The following RBMXL2 variants were observed in gnomAD, a reference collection of about 807,000 sequenced individuals.
The protein encoded by RBMXL2 is RNA-binding motif protein, X-linked-like-2.
In RBMXL2, 2 loss-of-function variants were observed where a neutral mutation model predicts 1.0. The observed-to-expected ratio is 2.05, with a 90% CI of 0.84 to 6.44. The LOEUF (loss-of-function observed/expected upper bound fraction) is 6.44. Ranked by LOEUF, RBMXL2 falls within the 30% of genes most tolerant of loss-of-function variation. RBMXL2 has a pLI of 0.05. For missense variants in RBMXL2, 658 were observed against 608.5 expected (o/e 1.08, Z -0.85); for synonymous variants, 313 against 267.9 (o/e 1.17, Z -1.64).
Position 7,089,968 on chromosome 11 carries a change from T to A in RBMXL2, c.848T>A (p.Phe283Tyr). ...AGCAGAGGCTCCCATCGAGAGCCCT[T>A]TGAGAGCTACGGAGAGCTGCGCGGC... ...HLSRGSHREPFESYGELRGAA... is the reference protein window; with the variant it reads ...HLSRGSHREPYESYGELRGAA... The change falls in exon 1 of 1, where the codon TTT (phenylalanine) becomes TAT (tyrosine). Residue 283 changes from phenylalanine (F) to tyrosine (Y), a missense_variant. Phe to Tyr is a conservative substitution (Grantham distance 22). Transcript: ENST00000306904. 1.2e-6 allele frequency: 2 copies of A among 1,612,494 alleles called. No homozygotes were observed. The highest frequency in any genetic ancestry group is 1.7e-6 in the Non-Finnish European group (2 of 1,179,898).
At position 7,089,867 on chromosome 11, in the gene RBMXL2, G is replaced by A; in HGVS notation, c.747G>A (p.Arg249=). The change falls in exon 1 of 1, where the codon CGG becomes CGA. Residue 249 remains arginine, a synonymous_variant. Transcript: ENST00000306904. ...GCGATTACGGCCACTCCAGTGTCCG[G>A]GACGACTGTCCCTTGAGAGGCTACA... is the stretch of plus-strand genomic sequence containing the variant. ...THRDYGHSSV[R]DDCPLRGYSD... The A allele has an allele frequency of 1.9e-6, 3 of 1,612,722 alleles. No homozygotes were observed. Among genetic ancestry groups the A allele is most frequent in the Non-Finnish European group, 2.5e-6 (3 of 1,179,954 alleles).
chr11:7,089,014 C>G lies in RBMXL2; in HGVS notation c.-107C>G. On this transcript the variant is annotated 5_prime_UTR_variant, in exon 1 of 1. Transcript: ENST00000306904. ...CGGTTCCGTGGACTCGGCGACTAGG[C>G]GCCGCCTGACCAGTAGGAGCCGCCC... 1 of 1,346,318 alleles carries G rather than the reference C, an allele frequency of 7.4e-7. No homozygotes were observed. Among genetic ancestry groups the G allele is most frequent in the Non-Finnish European group, 1.0e-6 (1 of 964,376 alleles). The allele number at this position is 1,346,318 out of a possible 1,614,324, so 83.4% of individuals were successfully genotyped here.
In RBMXL2 at chr11:7,090,205, G is replaced by A. The variant is rs759030425; in HGVS notation, c.1085G>A (p.Arg362His). 1.2e-6 allele frequency: 2 copies of A among 1,612,756 alleles called. No homozygotes were observed. Among genetic ancestry groups the A allele is most frequent in the Admixed American group, 1.7e-5 (1 of 59,890 alleles). The change falls in exon 1 of 1, where the codon CGT becomes CAT. Residue 362 changes from arginine (R) to histidine (H), a missense_variant. By Grantham distance (29) the Arg-to-His change is conservative. Transcript: ENST00000306904. ...ATGGAAAGGGGCTGCCCTCCCCAGC[G>A]TGATTCTTACAGCCGGTCAGGCTGC... is the stretch of plus-strand genomic sequence containing the variant. ...LSMERGCPPQRDSYSRSGCRV... is the reference protein window; with the variant it reads ...LSMERGCPPQHDSYSRSGCRV...
At position 7,089,891 on chromosome 11, in the gene RBMXL2, C is replaced by T. The variant is rs560600892; in HGVS notation, c.771C>T (p.Tyr257=). 1.9e-6 allele frequency: 3 copies of T among 1,612,842 alleles called. No homozygotes were observed. The highest frequency in any genetic ancestry group is 2.5e-6 in the Non-Finnish European group (3 of 1,179,992). ...GGGACGACTGTCCCTTGAGAGGCTA[C>T]AGCGACCGAGACGGCTACGGAGGTC... is the stretch of plus-strand genomic sequence containing the variant. ...SVRDDCPLRG[Y]SDRDGYGGRD... is the part of the protein sequence containing the mutation. Residue 257 remains tyrosine (Y), a synonymous_variant, in exon 1 of 1, where the codon TAC becomes TAT. Coordinates refer to ENST00000306904, the MANE Select transcript of RBMXL2 (RefSeq NM_014469.5).
chr11:7,090,479 A>C lies in RBMXL2; in HGVS notation c.*180A>C. 1 of 839,296 alleles carries C rather than the reference A, an allele frequency of 1.2e-6. No individual in the cohort carries two copies. The highest frequency in any genetic ancestry group is 2.7e-5 in the East Asian group (1 of 37,336). 52.0% of individuals were successfully genotyped at this position (839,296 alleles called of 1,614,324 possible). ...GGGAGAAAAAACTTAAAATTCGTTT[A>C]GTTTAGTTTTGGAATTGTTAACGTT... On this transcript the variant is annotated 3_prime_UTR_variant, in exon 1 of 1. Transcript: ENST00000306904.
Position 7,090,437 on chromosome 11 carries a change from T to TC in RBMXL2, c.*140dup. ...TTAAGAATTTCCTGTTAAGATCGTC[T>TC]CCATTTTTATGCTTTTGGGAGAAAA... On this transcript the variant is annotated 3_prime_UTR_variant, in exon 1 of 1. Coordinates refer to ENST00000306904, the MANE Select transcript of RBMXL2 (RefSeq NM_014469.5). 1 of 1,143,560 alleles carries TC rather than the reference T, an allele frequency of 8.7e-7. No individual in the cohort carries two copies. The allele number at this position is 1,143,560 out of a possible 1,614,324, so 70.8% of individuals were successfully genotyped here. A position where few individuals can be genotyped will look rare whatever the true frequency, so the allele number is the denominator to read the frequency against.
In RBMXL2 at chr11:7,089,477, G is replaced by T; in HGVS notation, c.357G>T (p.Arg119=). 1 of 1,265,390 alleles carries T rather than the reference G, an allele frequency of 7.9e-7. No homozygotes were observed. Among genetic ancestry groups the T allele is most frequent in the Non-Finnish European group, 1.0e-6 (1 of 1,003,306 alleles). The allele number at this position is 1,265,390 out of a possible 1,614,324, so 78.4% of individuals were successfully genotyped here. ...CCCGCGGGGGTGGCGGCGGCCCGCG[G>T]CGTTCCCCATCCCGGGGCGGGCCCG... ...RGTRGGGGGP[R]RSPSRGGPDD... is the part of the protein sequence containing the mutation. The change falls in exon 1 of 1, where the codon CGG becomes CGT. Residue 119 remains arginine (R), a synonymous_variant. Transcript: ENST00000306904.
Position 7,090,294 on chromosome 11 carries a change from T to TA in RBMXL2, c.1175dup (p.Tyr392Ter), listed in dbSNP as rs1251564794. ...RLERGGGRSR[Y>*] ...GGAGAGAGGAGGAGGCCGGAGCAGATACTAAGCAGGAACAGACTTGGGACC... is the reference window on the plus strand; with the variant it reads ...GGAGAGAGGAGGAGGCCGGAGCAGATAACTAAGCAGGAACAGACTTGGGACC... The change falls in exon 1 of 1, where the codon TAC (tyrosine) becomes TAAC (stop). Residue 392 changes from tyrosine to a stop codon, truncating the protein, a stop_gained and frameshift_variant. Transcript: ENST00000306904. LOFTEE classifies it high-confidence loss of function. The TA allele has an allele frequency of 5.6e-6, 9 of 1,596,012 alleles. No individual in the cohort carries two copies. Among genetic ancestry groups the TA allele is most frequent in the Non-Finnish European group, 6.8e-6 (8 of 1,170,834 alleles).
chr11:7,090,147 G>C lies in RBMXL2; in HGVS notation c.1027G>C (p.Val343Leu). ...CCGCTACTCGAGGGGCCGACACCGGGTGGGCAGACCAGATCGTGGGCTCTC... is the reference window on the plus strand; with the variant it reads ...CCGCTACTCGAGGGGCCGACACCGGCTGGGCAGACCAGATCGTGGGCTCTC... ...SDRYSRGRHR[V>L]GRPDRGLSLS... is the part of the protein sequence containing the mutation. Residue 343 changes from valine to leucine, a missense_variant, in exon 1 of 1, where the codon GTG becomes CTG. Transcript: ENST00000306904. The C allele has an allele frequency of 1.2e-6, 2 of 1,613,678 alleles. No homozygotes were observed. Among genetic ancestry groups the C allele is most frequent in the Non-Finnish European group, 1.7e-6 (2 of 1,179,864 alleles).
Position 7,089,857 on chromosome 11 carries a change from C to G in RBMXL2, c.737C>G (p.Ser246Cys), listed in dbSNP as rs767037405. The change falls in exon 1 of 1, where the codon TCC (serine) becomes TGC (cysteine). Residue 246 changes from serine to cysteine, a missense_variant. Coordinates refer to ENST00000306904, the MANE Select transcript of RBMXL2 (RefSeq NM_014469.5). ...TACACCCACCGCGATTACGGCCACT[C>G]CAGTGTCCGGGACGACTGTCCCTTG... ...GEYTHRDYGH[S>C]SVRDDCPLRG... 6.2e-7 allele frequency: 1 copy of G among 1,612,326 alleles called. No individual in the cohort carries two copies. Among genetic ancestry groups the G allele is most frequent in the Non-Finnish European group, 8.5e-7 (1 of 1,179,948 alleles).
Position 7,089,104 on chromosome 11 carries a change from C to T in RBMXL2, c.-17C>T, listed in dbSNP as rs753332504. Reference sequence around the variant, plus strand: ...ACCGCCTCCCACCGCCACTGACCGACCGTTCGACCGGCAAACATGGTTGAA... The same window carrying T: ...ACCGCCTCCCACCGCCACTGACCGATCGTTCGACCGGCAAACATGGTTGAA... On this transcript the variant is annotated 5_prime_UTR_variant, in exon 1 of 1. Coordinates refer to ENST00000306904, the MANE Select transcript of RBMXL2 (RefSeq NM_014469.5). 3.7e-6 allele frequency: 6 copies of T among 1,610,628 alleles called. No homozygotes were observed. Among genetic ancestry groups the T allele is most frequent in the South Asian group, 1.1e-5 (1 of 90,402 alleles).
rs1026493957 is a variant in RBMXL2 at position 7,089,674 on chromosome 11, G to T, written c.554G>T (p.Arg185Leu). ...GGMRGRALAVRGRDGYSGPPR... is the reference protein window; with the variant it reads ...GGMRGRALAVLGRDGYSGPPR... ...ATGCGCGGGAGGGCCCTGGCCGTGC[G>T]GGGGCGAGACGGCTACTCAGGCCCA... Residue 185 changes from arginine to leucine, a missense_variant, in exon 1 of 1, where the codon CGG becomes CTG. Physicochemically the swap from Arg to Leu is moderately radical, Grantham distance 102. Coordinates refer to ENST00000306904, the MANE Select transcript of RBMXL2 (RefSeq NM_014469.5). 1.2e-5 allele frequency: 17 copies of T among 1,476,222 alleles called. No individual in the cohort carries two copies. Among genetic ancestry groups the T allele is most frequent in the Non-Finnish European group, 1.5e-5 (17 of 1,114,678 alleles). The allele number at this position is 1,476,222 out of a possible 1,614,324, so 91.4% of individuals were successfully genotyped here. A position where few individuals can be genotyped will look rare whatever the true frequency, so the allele number is the denominator to read the frequency against.
At position 7,089,144 on chromosome 11, in the gene RBMXL2, G is replaced by T. The variant is rs776410830; in HGVS notation, c.24G>T (p.Gly8=). The change falls in exon 1 of 1, where the codon GGG becomes GGT. Residue 8 remains glycine (G), a synonymous_variant. Coordinates refer to ENST00000306904, the MANE Select transcript of RBMXL2 (RefSeq NM_014469.5). MVEADRP[G]KLFIGGLNLE... is the part of the protein sequence containing the mutation. ...ACATGGTTGAAGCGGATCGCCCGGG[G>T]AAGCTGTTCATTGGGGGCCTCAACC... The T allele has an allele frequency of 2.5e-6, 4 of 1,614,028 alleles. No homozygotes were observed. Among genetic ancestry groups the T allele is most frequent in the Non-Finnish European group, 2.5e-6 (3 of 1,179,946 alleles).
Position 7,089,476 on chromosome 11 carries a change from G to A in RBMXL2, c.356G>A (p.Arg119Gln). The A allele has an allele frequency of 1.6e-6, 2 of 1,266,136 alleles. No individual in the cohort carries two copies. The highest frequency in any genetic ancestry group is 1.0e-6 in the Non-Finnish European group (1 of 1,003,664). 78.4% of individuals were successfully genotyped at this position (1,266,136 alleles called of 1,614,324 possible). A position where few individuals can be genotyped will look rare whatever the true frequency, so the allele number is the denominator to read the frequency against. ...ACCCGCGGGGGTGGCGGCGGCCCGC[G>A]GCGTTCCCCATCCCGGGGCGGGCCC... is the stretch of plus-strand genomic sequence containing the variant. ...RGTRGGGGGP[R>Q]RSPSRGGPDD... Residue 119 changes from arginine (R) to glutamine (Q), a missense_variant, in exon 1 of 1, where the codon CGG becomes CAG. Coordinates refer to ENST00000306904, the MANE Select transcript of RBMXL2 (RefSeq NM_014469.5).
At position 7,089,670 on chromosome 11, in the gene RBMXL2, G is replaced by A. The variant is rs1176577761; in HGVS notation, c.550G>A (p.Val184Met). The A allele has an allele frequency of 1.2e-5, 18 of 1,469,640 alleles. No homozygotes were observed. Among genetic ancestry groups the A allele is most frequent in the African/African-American group, 2.8e-5 (2 of 70,704 alleles). The allele number at this position is 1,469,640 out of a possible 1,614,324, so 91.0% of individuals were successfully genotyped here. A position where few individuals can be genotyped will look rare whatever the true frequency, so the allele number is the denominator to read the frequency against. ...TGGAATGCGCGGGAGGGCCCTGGCC[G>A]TGCGGGGGCGAGACGGCTACTCAGG... ...GGGMRGRALAVRGRDGYSGPP... is the reference protein window; with the variant it reads ...GGGMRGRALAMRGRDGYSGPP... Residue 184 changes from valine (V) to methionine (M), a missense_variant, in exon 1 of 1, where the codon GTG (valine) becomes ATG (methionine). Coordinates refer to ENST00000306904, the MANE Select transcript of RBMXL2 (RefSeq NM_014469.5).
Position 7,089,374 on chromosome 11 carries a change from C to A in RBMXL2, c.254C>A (p.Thr85Asn). The change falls in exon 1 of 1, where the codon ACC becomes AAC. Residue 85 changes from threonine to asparagine, a missense_variant. Physicochemically the swap from Thr to Asn is moderately conservative, Grantham distance 65. Transcript: ENST00000306904. Reference sequence around the variant, plus strand: ...AAGGCCATCAAGGTGGCCCAGGCCACCAAACCGGCGTTCGAGAGCAGCCGG... The same window carrying A: ...AAGGCCATCAAGGTGGCCCAGGCCAACAAACCGGCGTTCGAGAGCAGCCGG... ...DGKAIKVAQA[T>N]KPAFESSRRG... The A allele has an allele frequency of 6.2e-7, 1 of 1,604,656 alleles. No homozygotes were observed. Among genetic ancestry groups the A allele is most frequent in the Non-Finnish European group, 8.5e-7 (1 of 1,176,038 alleles).
At position 7,089,782 on chromosome 11, in the gene RBMXL2, C is replaced by T. The variant is rs759671784; in HGVS notation, c.662C>T (p.Ser221Leu). 3.8e-6 allele frequency: 6 copies of T among 1,592,328 alleles called. No homozygotes were observed. Among genetic ancestry groups the T allele is most frequent in the South Asian group, 3.3e-5 (3 of 89,654 alleles). ...GGCTACTCGTCCAGAGACGGCTACT[C>T]GAGCCGAGACTACCGCGAACCCCGG... is the stretch of plus-strand genomic sequence containing the variant. ...DEGYSSRDGYSSRDYREPRGF... is the reference protein window; with the variant it reads ...DEGYSSRDGYLSRDYREPRGF... Residue 221 changes from serine (S) to leucine (L), a missense_variant, in exon 1 of 1, where the codon TCG becomes TTG. By Grantham distance (145) the Ser-to-Leu change is moderately radical. Transcript: ENST00000306904.
rs763685420 is a variant in RBMXL2 at position 7,089,988 on chromosome 11, C to A, written c.868C>A (p.Arg290Ser). Residue 290 changes from arginine to serine, a missense_variant, in exon 1 of 1, where the codon CGC becomes AGC. Transcript: ENST00000306904. ...GCCCTTTGAGAGCTACGGAGAGCTG[C>A]GCGGCGCCGCCCCAGGACGGGGGAC... ...REPFESYGEL[R>S]GAAPGRGTPP... is the part of the protein sequence containing the mutation. The A allele has an allele frequency of 1.2e-6, 2 of 1,613,054 alleles. No individual in the cohort carries two copies. The highest frequency in any genetic ancestry group is 1.7e-6 in the Non-Finnish European group (2 of 1,179,976).
Position 7,090,626 on chromosome 11 carries a change from G to A in RBMXL2, c.*327G>A, listed in dbSNP as rs575522413. The A allele has an allele frequency of 1.1e-4, 43 of 382,178 alleles. No individual in the cohort carries two copies. The highest frequency in any genetic ancestry group is 7.9e-4 in the African/African-American group (38 of 47,908). 23.7% of individuals were successfully genotyped at this position (382,178 alleles called of 1,614,324 possible). ...ATTTTCTTGATAAATGAGGCAAACA[G>A]TTCTAAGATCTTTGATAAACATCTG... is the stretch of plus-strand genomic sequence containing the variant. On this transcript the variant is annotated 3_prime_UTR_variant, in exon 1 of 1. Coordinates refer to ENST00000306904, the MANE Select transcript of RBMXL2 (RefSeq NM_014469.5).
Sources: allele counts gnomAD v4.1 joint callset, GRCh38; gene constraint gnomAD v4.1.1; transcripts MANE v1.5; gene names NCBI Gene and HGNC (gene_info 2026-07-23, HGNC 2026-07-21).